TVP23A: variants seen among roughly 807,000 people sequenced by gnomAD.
TVP23A encodes the protein trans-golgi network vesicle protein 23 homolog A, also known as Golgi apparatus membrane protein TVP23 homolog A.
A neutral mutation model predicts 31.7 loss-of-function variants in TVP23A; 21 were observed. The observed-to-expected ratio is 0.66, with a 90% CI of 0.47 to 0.95. TVP23A has a LOEUF of 0.95. Ranked by LOEUF, TVP23A falls within the 40% of genes least tolerant of loss-of-function variation. The probability of loss-of-function intolerance (pLI) is 0.00; values close to 1 mark genes in which losing one functional copy is unlikely to be tolerated. For missense variants in TVP23A, 279 were observed against 255.6 expected, an observed-to-expected ratio of 1.09 and a Z score of -0.62; for synonymous variants, 104 against 96.0, an observed-to-expected ratio of 1.08 and a Z score of -0.49.
chr16:10,786,716 TGGGGATGG>T (rs2032774375), intron 2 of TVP23A, among the ~76,000 whole-genome samples: 1 of 578 alleles, frequency 1.7e-3, no homozygotes, highest in Admixed American at 0.025. Context: ...TGGTGATGAC[TGGGGATGG>T]GCATTGGGAA....
downstream of TVP23A, among the ~76,000 whole-genome samples, chr16:10,762,857 G>A (rs891666029): frequency 6.6e-6 from 1 of 152,184 alleles, no homozygotes; most frequent in Non-Finnish European, 1.5e-5. Context: ...GAGGCGGGGA[G>A]GGCGGAGGCC....
At chr16:10,795,845 C>T (rs1596544488) in intron 2 of TVP23A, among the ~76,000 whole-genome samples, 1 of 152,252 alleles carries the variant, frequency 6.6e-6, no homozygotes, top group East Asian at 1.9e-4. Flanking sequence ...CCGCCAGGCG[C>T]TGGGAGCCTC....
At chr16:10,757,837 G>A (rs377186970), downstream of TVP23A, 11 of 1,596,860 alleles carry the variant, frequency 6.9e-6, no homozygotes, top group Non-Finnish European at 9.4e-6. The surrounding 1 kb of genome is among the most constrained non-coding windows in gnomAD (Gnocchi z 4.1). Context: ...GAAAAGAAAG[G>A]AAAAGTAAGC....
intron 2 of TVP23A, among the ~76,000 whole-genome samples, chr16:10,776,883 G>C (rs954641126): frequency 2.0e-5 from 3 of 152,152 alleles, no homozygotes; most frequent in African/African-American, 7.2e-5. Context: ...GTGCTGGTGG[G>C]AGTGTAGCAG....
At chr16:10,775,124 A>T (rs1265305850) in intron 2 of TVP23A, 28 bp from the exon 3 acceptor site, 1 of 1,593,354 alleles carries the variant, frequency 6.3e-7, no homozygotes, top group Non-Finnish European at 8.5e-7. Flanking sequence ...AGGCGCCCTC[A>T]CTCCAAGAGC....
In TVP23A at chr16:10,777,830, G is replaced by C. The variant is rs915697613; in HGVS notation, c.90-2734C>G. ...ACTGAGACCATCCCTGGCCAACATG[G>C]TGAAACCCCGTCTCTACTAAAAATA... is the stretch of plus-strand genomic sequence containing the variant. On this transcript the variant is annotated intron_variant, in intron 2 of 7. Transcript: ENST00000299866. This position sits in a 1 kb window ranked among gnomAD's most constrained non-coding sequence, Gnocchi z 4.5. 3.3e-5 allele frequency among the ~76,000 whole-genome samples: 5 copies of C among 152,042 alleles called. No individual in the cohort carries two copies. The highest frequency in any genetic ancestry group is 1.2e-4 in the African/African-American group (5 of 41,402).
At chr16:10,773,591 G>A (rs1032592369) in intron 4 of TVP23A, 150 bp from the exon 5 acceptor site, 9 of 1,078,810 alleles carry the variant, frequency 8.3e-6, no homozygotes, top group Non-Finnish European at 1.2e-5. Flanking sequence ...TTGTTTTTGA[G>A]ACAAAGTCTC....
At chr16:10,758,220 C>T (rs866852939), downstream of TVP23A, among the ~76,000 whole-genome samples, 6 of 151,974 alleles carry the variant, frequency 3.9e-5, no homozygotes, top group Non-Finnish European at 8.8e-5. Flanking sequence ...CCTGTAATCC[C>T]AGGACTTTGG....
At chr16:10,761,688 TA>T, downstream of TVP23A, 1 of 1,263,404 alleles carries the variant, frequency 7.9e-7, no homozygotes, top group Non-Finnish European at 1.1e-6. Context: ...TAAGTTTCTT[TA>T]AAATGTGGTC....
chr16:10,792,079 C>T (rs72785634), intron 2 of TVP23A, among the ~76,000 whole-genome samples: 37,956 of 152,182 alleles, frequency 0.25, 5,612 homozygotes, highest in South Asian at 0.34. Flanking sequence ...TCAGACACCA[C>T]CTCCTCAAAC....
At position 10,777,696 on chromosome 16, in the gene TVP23A, A is replaced by T. The variant is rs1179472850; in HGVS notation, c.90-2600T>A. 6.6e-6 allele frequency among the ~76,000 whole-genome samples: 1 copy of T among 152,196 alleles called. No homozygotes were observed. Among genetic ancestry groups the T allele is most frequent in the Non-Finnish European group, 1.5e-5 (1 of 68,036 alleles). On this transcript the variant is annotated intron_variant, in intron 2 of 7. Coordinates refer to ENST00000299866, the MANE Select transcript of TVP23A (RefSeq NM_001079512.4). This position sits in a 1 kb window ranked among gnomAD's most constrained non-coding sequence, Gnocchi z 4.5. ...GACCTGAATGAAAACCAACCCAGGA[A>T]GTGCACCCGGCTTTTAAGAATTAGA...
downstream of TVP23A, among the ~76,000 whole-genome samples, chr16:10,760,474 A>G (rs913700940): frequency 6.6e-6 from 1 of 152,264 alleles, no homozygotes; most frequent in East Asian, 1.9e-4. Context: ...AGATAGGCAC[A>G]GTGGCTCACG....
Position 10,770,351 on chromosome 16 carries a change from C to A in TVP23A, c.583-20G>T, listed in dbSNP as rs1225230754. The A allele has an allele frequency of 6.5e-7, 1 of 1,550,224 alleles. No homozygotes were observed. The highest frequency in any genetic ancestry group is 1.4e-5 in the African/African-American group (1 of 72,938). On this transcript the variant is annotated intron_variant, in intron 6 of 7. Coordinates refer to ENST00000299866, the MANE Select transcript of TVP23A (RefSeq NM_001079512.4). ...GCAGGCCTGCAAGGGGAAAAGTCAA[C>A]CATGGTTTTCTGTCCTTACACGCGA... is the stretch of plus-strand genomic sequence containing the variant.
rs538279889 is a variant in TVP23A, at chr16:10,777,548, G to A, written c.90-2452C>T. ...GTGCCTCTACAACTGTGGGGCTTCC[G>A]ACTCCCAGGGGAATGTTAAGATTCA... On this transcript the variant is annotated intron_variant, in intron 2 of 7. Transcript: ENST00000299866. This position sits in a 1 kb window ranked among gnomAD's most constrained non-coding sequence, Gnocchi z 4.5. 2.0e-4 allele frequency among the ~76,000 whole-genome samples: 31 copies of A among 152,164 alleles called. No individual in the cohort carries two copies. The highest frequency in any genetic ancestry group is 7.7e-4 in the East Asian group (4 of 5,174).
intron 2 of TVP23A, among the ~76,000 whole-genome samples, chr16:10,814,889 G>A (rs563020988): frequency 2.0e-5 from 3 of 150,240 alleles, no homozygotes; most frequent in East Asian, 2.0e-4. Context: ...GTCTGGCCCC[G>A]ATCTCCACGC....
downstream of TVP23A, chr16:10,761,776 C>G: frequency 6.2e-7 from 1 of 1,613,930 alleles, no homozygotes; most frequent in Admixed American, 1.7e-5. Context: ...CAGATATTCC[C>G]TCCCACAACC....
In TVP23A at chr16:10,770,378, TG is replaced by T. The variant is rs551691373; in HGVS notation, c.583-48del. Reference sequence around the variant, plus strand: ...ATGGTTTTCTGTCCTTACACGCGAGTGGGGCGATCCTGCTGATGGAAGGCCA... The same window carrying T: ...ATGGTTTTCTGTCCTTACACGCGAGTGGGCGATCCTGCTGATGGAAGGCCA... On this transcript the variant is annotated intron_variant, in intron 6 of 7. Coordinates refer to ENST00000299866, the MANE Select transcript of TVP23A (RefSeq NM_001079512.4). The T allele has an allele frequency of 1.8e-5, 28 of 1,538,476 alleles. No individual in the cohort carries two copies. In the South Asian group the frequency reaches 2.1e-4, roughly 11 times the overall value.
At chr16:10,801,511 C>T (rs952878271) in intron 2 of TVP23A, among the ~76,000 whole-genome samples, 2 of 152,008 alleles carry the variant, frequency 1.3e-5, no homozygotes, top group African/African-American at 4.8e-5. Context: ...GGCTGGAGTG[C>T]AGTGGCGCGA....
chr16:10,803,741 A>C (rs2033818152), intron 2 of TVP23A, among the ~76,000 whole-genome samples: 1 of 152,158 alleles, frequency 6.6e-6, no homozygotes, highest in Non-Finnish European at 1.5e-5. Flanking sequence ...AGGTGGACAC[A>C]ACAGCTGACC....
Sources: gnomAD v4.1 joint callset for allele counts (sites outside exome capture counted in the v4.1 genomes callset) on GRCh38, gnomAD v4.1.1 for gene constraint, Gnocchi (gnomAD v3.1) non-coding constraint, MANE v1.5 for transcripts, NCBI Gene and HGNC (gene_info 2026-07-23, HGNC 2026-07-21) for gene names.